The following PCDH15 variants were observed in gnomAD, a reference collection of about 807,000 sequenced individuals.
PCDH15 encodes the protein protocadherin-15.
PCDH15 carries 129 observed loss-of-function variants against 178.5 expected under a neutral mutation model. That is an observed-to-expected ratio of 0.72 (90% confidence interval 0.63 to 0.84). The LOEUF (loss-of-function observed/expected upper bound fraction) is 0.84. Ranked by LOEUF, PCDH15 falls within the 40% of genes least tolerant of loss-of-function variation. PCDH15 has a pLI of 0.00. For missense variants in PCDH15, 2,230 were observed against 2,099.9 expected (o/e 1.06, Z -1.21); for synonymous variants, 800 against 732.0 (o/e 1.09, Z -1.50).
intron 3 of PCDH15, among the ~76,000 whole-genome samples, chr10:54,416,013 G>A (rs1249553672): frequency 2.0e-5 from 3 of 151,900 alleles, no homozygotes; most frequent in African/African-American, 2.4e-5. Context: ...GCCCAGGCTG[G>A]AGTGCAGTAG....
At position 54,957,121 on chromosome 10, in the gene PCDH15, T is replaced by C. The variant is rs181436171; in HGVS notation, c.-79-59621A>G. 4.1e-3 allele frequency among the ~76,000 whole-genome samples: 629 copies of C among 151,844 alleles called. 18 individuals carry two copies. The highest frequency in any genetic ancestry group is 0.037 in the Admixed American group (558 of 15,228). Reference sequence around the variant, plus strand: ...ATTTAAACTTTATAACTTTCAGTTTTCTAACTATCATGTGGGGATAATTAC... The same window carrying C: ...ATTTAAACTTTATAACTTTCAGTTTCCTAACTATCATGTGGGGATAATTAC... On this transcript the variant is annotated intron_variant, in intron 2 of 5. Transcript: ENST00000458638.
chr10:55,336,248 C>T (rs372506987), intron 2 of PCDH15, among the ~76,000 whole-genome samples: 1 of 151,728 alleles, frequency 6.6e-6, no homozygotes. Flanking sequence ...GCCTGTAATC[C>T]CAGCACTTTG....
At chr10:54,162,898 C>T (rs1045221796) in intron 13 of PCDH15, among the ~76,000 whole-genome samples, 2 of 152,034 alleles carry the variant, frequency 1.3e-5, no homozygotes, top group Non-Finnish European at 2.9e-5. Flanking sequence ...AGGCATTCTT[C>T]GGTGGTTTCC....
upstream of PCDH15, among the ~76,000 whole-genome samples, chr10:54,802,729 G>A (rs1450925435): frequency 1.3e-5 from 2 of 152,146 alleles, no homozygotes; most frequent in East Asian, 3.9e-4. Context: ...TTGTTGAATA[G>A]AGCAGCTGGT....
At chr10:55,582,433 G>C (rs1315681588) in intron 2 of PCDH15, among the ~76,000 whole-genome samples, 1 of 151,642 alleles carries the variant, frequency 6.6e-6, no homozygotes. Flanking sequence ...AATGTAATCA[G>C]ATACAATTTT....
intron 2 of PCDH15, among the ~76,000 whole-genome samples, chr10:55,524,066 T>C (rs1023598737): frequency 6.6e-6 from 1 of 151,468 alleles, no homozygotes; most frequent in Non-Finnish European, 1.5e-5. Flanking sequence ...AACCTTTTTT[T>C]TTTTTAGCAG....
intron 15 of PCDH15, among the ~76,000 whole-genome samples, chr10:54,124,377 GT>G (rs1162146482): frequency 1.3e-5 from 2 of 152,108 alleles, no homozygotes; most frequent in African/African-American, 2.4e-5. Flanking sequence ...CGGAGTTTCA[GT>G]TTGGGAGGAT....
intron 1 of PCDH15, among the ~76,000 whole-genome samples, chr10:54,752,807 T>C (rs1411911759): frequency 6.8e-6 from 1 of 147,354 alleles, no homozygotes; most frequent in Admixed American, 6.8e-5. Context: ...CTTTCCCCCC[T>C]TGTTATCAAT....
intron 3 of PCDH15, among the ~76,000 whole-genome samples, chr10:54,836,074 A>T (rs886404062): frequency 9.2e-5 from 14 of 152,208 alleles, no homozygotes; most frequent in Admixed American, 2.6e-4. Context: ...AAAAGTTCCT[A>T]ATTCTATTCT....
chr10:55,441,489 A>G (rs1360613097), intron 2 of PCDH15, among the ~76,000 whole-genome samples: 3 of 152,128 alleles, frequency 2.0e-5, no homozygotes, highest in Non-Finnish European at 4.4e-5. Flanking sequence ...TTTTTCTAAG[A>G]AAATATATTT....
chr10:54,358,241 G>C (rs942435541), intron 5 of PCDH15, among the ~76,000 whole-genome samples: 2 of 151,092 alleles, frequency 1.3e-5, no homozygotes, highest in Non-Finnish European at 2.9e-5. Context: ...CTACAAAATG[G>C]GAGAAAGTTT....
chr10:55,066,138 C>T (rs573471321), intron 2 of PCDH15, among the ~76,000 whole-genome samples: 3 of 151,564 alleles, frequency 2.0e-5, no homozygotes, highest in East Asian at 3.9e-4. Flanking sequence ...TTTTAATCGA[C>T]GTATAAGGGT....
intron 5 of PCDH15, among the ~76,000 whole-genome samples, chr10:54,360,449 G>A (rs978676): frequency 0.11 from 17,414 of 151,776 alleles, 1,762 homozygotes; most frequent in African/African-American, 0.28. Context: ...TGTGGTGAGC[G>A]GCAGGACCTA....
intron 2 of PCDH15, among the ~76,000 whole-genome samples, chr10:55,524,907 A>C (rs1018326185): frequency 6.6e-6 from 1 of 151,804 alleles, no homozygotes; most frequent in Non-Finnish European, 1.5e-5. Flanking sequence ...ACAACTTTAC[A>C]TTGTTGTTTT....
chr10:54,235,189 T>C (rs943907176), intron 9 of PCDH15, among the ~76,000 whole-genome samples: 5 of 152,164 alleles, frequency 3.3e-5, no homozygotes, highest in Non-Finnish European at 4.4e-5. Flanking sequence ...CTCCTCTGCT[T>C]TTCCAATCCC....
At position 54,843,813 on chromosome 10, in the gene PCDH15, AC is replaced by A. The variant is rs933392007; in HGVS notation, c.-29+53636del. 5.5e-4 allele frequency among the ~76,000 whole-genome samples: 84 copies of A among 152,000 alleles called. 1 individual carries two copies. The highest frequency in any genetic ancestry group is 1.8e-3 in the African/African-American group (76 of 41,434). On this transcript the variant is annotated intron_variant, in intron 3 of 5. Transcript: ENST00000458638. ...TCTGAACAGTTCCCTGATACATCTT[AC>A]GGGGATCAGTGTTTTGAGTCCCCAG...
chr10:55,521,120 T>G (rs1841165037), intron 2 of PCDH15, among the ~76,000 whole-genome samples: 1 of 151,972 alleles, frequency 6.6e-6, no homozygotes, highest in Non-Finnish European at 1.5e-5. Flanking sequence ...CATTCCACTC[T>G]CTGTTTATTT....
At chr10:54,900,446 T>C (rs1283323754) in intron 2 of PCDH15, among the ~76,000 whole-genome samples, 3 of 152,118 alleles carry the variant, frequency 2.0e-5, no homozygotes, top group Admixed American at 2.0e-4. Flanking sequence ...AAGTTTAGGA[T>C]AAAGTTTGTT....
chr10:54,008,757 G>T (rs2135125185), intron 20 of PCDH15, among the ~76,000 whole-genome samples: 1 of 152,100 alleles, frequency 6.6e-6, no homozygotes, highest in Admixed American at 6.5e-5. Flanking sequence ...ATCAATAAAT[G>T]AATTATTTTT....
Sources: allele counts gnomAD v4.1 joint callset (sites outside exome capture counted in the v4.1 genomes callset), GRCh38; gene constraint gnomAD v4.1.1; transcripts MANE v1.5; gene names NCBI Gene and HGNC (gene_info 2026-07-23, HGNC 2026-07-21).